NRG3: variants seen among roughly 807,000 people sequenced by gnomAD.
NRG3 encodes the protein neuregulin 3.
Under a neutral mutation model 66.9 loss-of-function variants are expected in NRG3, and 31 were observed. The ratio of observed to expected loss-of-function variants is 0.46; its 90% CI spans 0.35 to 0.63. NRG3 has a LOEUF of 0.63. Among genes scored for constraint, NRG3 ranks in the 20% least tolerant of loss-of-function variants. The probability of loss-of-function intolerance (pLI) is 0.00; values close to 1 mark genes in which losing one functional copy is unlikely to be tolerated. For synonymous variants in NRG3, 393 were observed against 359.4 expected (o/e 1.09, Z -1.06); for missense variants, 910 against 878.9 (o/e 1.04, Z -0.45).
At position 82,934,786 on chromosome 10, in the gene NRG3, C is replaced by T. The variant is rs1026737679; in HGVS notation, c.1055-16683C>T. Reference sequence around the variant, plus strand: ...TAAAAGAGATGAGGCTTAAAAGGCGCACAATTTTTAAATGTCAAAAGTATC... The same window carrying T: ...TAAAAGAGATGAGGCTTAAAAGGCGTACAATTTTTAAATGTCAAAAGTATC... On this transcript the variant is annotated intron_variant, in intron 4 of 8. Coordinates refer to ENST00000372141, the MANE Select transcript of NRG3 (RefSeq NM_001010848.4). Among the ~76,000 whole-genome samples the T allele has an allele frequency of 3.9e-5, 6 of 152,286 alleles. No homozygotes were observed. The East Asian group carries it at 1.2e-3, about 29-fold the overall frequency.
intron 1 of NRG3, among the ~76,000 whole-genome samples, chr10:82,156,934 A>T (rs982316657): frequency 1.3e-5 from 2 of 151,706 alleles, no homozygotes; most frequent in Non-Finnish European, 3.0e-5. Flanking sequence ...CATGGCAACA[A>T]TGGAGCTTAT....
chr10:82,422,209 C>T (rs2089133601), intron 2 of NRG3, among the ~76,000 whole-genome samples: 2 of 151,796 alleles, frequency 1.3e-5, no homozygotes, highest in Admixed American at 6.6e-5. Context: ...CAGACATAAG[C>T]TCAGGATATT....
intron 4 of NRG3, among the ~76,000 whole-genome samples, chr10:82,892,547 T>C (rs1433290898): frequency 6.6e-6 from 1 of 152,010 alleles, no homozygotes; most frequent in East Asian, 1.9e-4. Context: ...AGGCCTGTGG[T>C]ACTAGATACT....
At chr10:82,029,025 A>G (rs2062445028) in intron 1 of NRG3, among the ~76,000 whole-genome samples, 2 of 152,076 alleles carry the variant, frequency 1.3e-5, no homozygotes, top group Admixed American at 6.6e-5. Flanking sequence ...ACTGGCCAAC[A>G]TGGTAAAACC....
intron 8 of NRG3, among the ~76,000 whole-genome samples, chr10:82,980,769 T>G (rs1264382615): frequency 6.6e-6 from 1 of 152,158 alleles, no homozygotes; most frequent in Non-Finnish European, 1.5e-5. Flanking sequence ...AGTTGCAAAG[T>G]AAACATAACA....
intron 1 of NRG3, among the ~76,000 whole-genome samples, chr10:82,261,364 C>G (rs2078022178): frequency 6.6e-6 from 1 of 152,174 alleles, no homozygotes; most frequent in Non-Finnish European, 1.5e-5. Flanking sequence ...GAGGCCTCCC[C>G]AGCCATGTGG....
chr10:82,392,275 A>G (rs1446402810), intron 2 of NRG3, among the ~76,000 whole-genome samples: 2 of 152,140 alleles, frequency 1.3e-5, no homozygotes, highest in African/African-American at 4.8e-5. Context: ...ATATGCCAAA[A>G]TGCCACTAGC....
At chr10:82,057,248 A>G (rs747980027) in intron 1 of NRG3, among the ~76,000 whole-genome samples, 25 of 151,874 alleles carry the variant, frequency 1.6e-4, no homozygotes, top group African/African-American at 5.6e-4. Flanking sequence ...TTTCATTTCT[A>G]TAGAGTTATT....
chr10:82,939,366 C>T (rs982057920), intron 4 of NRG3, among the ~76,000 whole-genome samples: 11 of 152,114 alleles, frequency 7.2e-5, no homozygotes, highest in Non-Finnish European at 1.3e-4. Flanking sequence ...AAGCATTTTG[C>T]GTAGAAATAA....
rs117297923 is a variant in NRG3 at position 82,370,261 on chromosome 10, C to T, written c.953+11393C>T. Among the ~76,000 whole-genome samples, 1,362 of 137,914 alleles carry T rather than the reference C, an allele frequency of 9.9e-3. 132 individuals are homozygous for T. Among genetic ancestry groups the T allele is most frequent in the Non-Finnish European group, 0.015 (978 of 67,412 alleles). The allele number at this position is 137,914 out of a possible 152,430, so 90.5% of individuals were successfully genotyped here. Reference sequence around the variant, plus strand: ...GTTGAGTGGTGGAGGTGGCTCTCAGCGAGATGATGAGGAGCTGAAAGTGGG... The same window carrying T: ...GTTGAGTGGTGGAGGTGGCTCTCAGTGAGATGATGAGGAGCTGAAAGTGGG... On this transcript the variant is annotated intron_variant, in intron 2 of 8. Transcript: ENST00000372141.
chr10:82,365,426 A>G (rs2084459159), intron 2 of NRG3, among the ~76,000 whole-genome samples: 1 of 152,170 alleles, frequency 6.6e-6, no homozygotes, highest in South Asian at 2.1e-4. Flanking sequence ...CCCAGACATA[A>G]TTTAAGTAAT....
intron 3 of NRG3, among the ~76,000 whole-genome samples, chr10:82,745,543 T>C (rs1480861521): frequency 1.3e-5 from 2 of 152,198 alleles, no homozygotes; most frequent in Non-Finnish European, 2.9e-5. Context: ...TCACTCTTAT[T>C]ACCGTTTTTC....
chr10:82,426,108 AG>A (rs1298097690), intron 2 of NRG3, among the ~76,000 whole-genome samples: 1 of 152,142 alleles, frequency 6.6e-6, no homozygotes, highest in Non-Finnish European at 1.5e-5. Context: ...CTTTCGGCTC[AG>A]GTAGTATTAT....
intron 2 of NRG3, among the ~76,000 whole-genome samples, chr10:82,523,134 A>G (rs964897653): frequency 5.3e-5 from 8 of 152,176 alleles, no homozygotes; most frequent in Non-Finnish European, 8.8e-5. Context: ...GTATGGATCT[A>G]CTATATATTA....
chr10:82,299,639 G>T (rs775534300), intron 1 of NRG3, among the ~76,000 whole-genome samples: 2 of 149,930 alleles, frequency 1.3e-5, no homozygotes, highest in Non-Finnish European at 3.0e-5. Context: ...TTTTTGTATT[G>T]CCAGTGGCTG....
intron 1 of NRG3, among the ~76,000 whole-genome samples, chr10:82,127,020 G>A (rs2068491957): frequency 6.6e-6 from 1 of 152,086 alleles, no homozygotes; most frequent in Non-Finnish European, 1.5e-5. Context: ...TGGTGAGAAA[G>A]TTGTTTTGAC....
chr10:82,608,064 T>C (rs113769764), intron 2 of NRG3, among the ~76,000 whole-genome samples: 2 of 152,332 alleles, frequency 1.3e-5, no homozygotes, highest in African/African-American at 4.8e-5. Flanking sequence ...TCTCAGTTTC[T>C]GACTTATACC....
At chr10:81,924,490 A>C (rs1056472271) in intron 1 of NRG3, among the ~76,000 whole-genome samples, 4 of 152,150 alleles carry the variant, frequency 2.6e-5, no homozygotes, top group African/African-American at 9.7e-5. Flanking sequence ...ATCACAGGCT[A>C]TTTTACAAGT....
At chr10:82,350,121 A>T (rs543946250) in intron 1 of NRG3, among the ~76,000 whole-genome samples, 1 of 152,194 alleles carries the variant, frequency 6.6e-6, no homozygotes, top group African/African-American at 2.4e-5. Context: ...ACCCACGAAC[A>T]TGAAAAAATA....
Sources: gnomAD v4.1 joint callset for allele counts (sites outside exome capture counted in the v4.1 genomes callset) on GRCh38, gnomAD v4.1.1 for gene constraint, MANE v1.5 for transcripts, NCBI Gene and HGNC (gene_info 2026-07-23, HGNC 2026-07-21) for gene names.